The following R3HDM1 variants were observed in gnomAD, a reference collection of about 807,000 sequenced individuals.
R3HDM1 encodes R3H domain-containing protein 1.
Under a neutral mutation model 141.1 loss-of-function variants are expected in R3HDM1, and 46 were observed. That is an observed-to-expected ratio of 0.33 (90% CI 0.26 to 0.42). The LOEUF is 0.42. Among genes scored for constraint, R3HDM1 ranks in the 10% least tolerant of loss-of-function variants. The pLI is 1.00. For missense variants in R3HDM1, 1,184 were observed against 1,368.3 expected, an observed-to-expected ratio of 0.87 and a Z score of 2.12; for synonymous variants, 435 against 472.9, an observed-to-expected ratio of 0.92 and a Z score of 1.04.
At chr2:135,571,186 GTTTTATA>G (rs2104995043) in intron 1 of R3HDM1, among the ~76,000 whole-genome samples, 1 of 151,934 alleles carries the variant, frequency 6.6e-6, no homozygotes, top group Admixed American at 6.5e-5. Flanking sequence ...AAATTAAAAA[GTTTTATA>G]TTTTATAGGA....
At chr2:135,541,389 T>G (rs1313070763) in intron 1 of R3HDM1, among the ~76,000 whole-genome samples, 3 of 152,114 alleles carry the variant, frequency 2.0e-5, no homozygotes, top group Non-Finnish European at 4.4e-5. Context: ...TTTTTATTTT[T>G]AGTAGAGACG....
chr2:135,617,526 C>T (rs1249260825), intron 5 of R3HDM1, among the ~76,000 whole-genome samples: 1 of 151,954 alleles, frequency 6.6e-6, no homozygotes, highest in Admixed American at 6.6e-5. Context: ...ATTAGCTTGG[C>T]TCTTTAATAG....
intron 2 of R3HDM1, among the ~76,000 whole-genome samples, chr2:135,603,058 T>G (rs1011210163): frequency 3.9e-5 from 6 of 152,176 alleles, no homozygotes; most frequent in Non-Finnish European, 8.8e-5. Flanking sequence ...CTTGGCTCAC[T>G]GCAACCTCCG....
intron 1 of R3HDM1, among the ~76,000 whole-genome samples, chr2:135,532,786 A>C (rs1008045951): frequency 6.6e-6 from 1 of 152,214 alleles, no homozygotes; most frequent in Non-Finnish European, 1.5e-5. Flanking sequence ...AAAATTTGGC[A>C]TATTTGGCTA....
rs200420532 is a variant in R3HDM1, at chr2:135,670,155, A to G, written c.2153-5177A>G. The G allele has an allele frequency of 6.5e-4, 208 of 321,654 alleles. 2 individuals carry two copies. Among genetic ancestry groups the G allele is most frequent in the Middle Eastern group, 3.3e-3 (2 of 610 alleles). 19.9% of individuals were successfully genotyped at this position (321,654 alleles called of 1,614,324 possible). Reference sequence around the variant, plus strand: ...CTCAGTCTCAAAAAAAAAAAAAAAAAAAACCAACAAAAAAGATTAGCTTGT... The same window carrying G: ...CTCAGTCTCAAAAAAAAAAAAAAAAGAAACCAACAAAAAAGATTAGCTTGT... On this transcript the variant is annotated intron_variant, in intron 19 of 26. Transcript: ENST00000683871.
At chr2:135,554,566 C>T (rs1700384668) in intron 1 of R3HDM1, among the ~76,000 whole-genome samples, 1 of 152,264 alleles carries the variant, frequency 6.6e-6, no homozygotes, top group Non-Finnish European at 1.5e-5. Flanking sequence ...CTATGTTTAA[C>T]CTTTTGAGAA....
chr2:135,559,118 T>A, intron 1 of R3HDM1: 1 of 920,002 alleles, frequency 1.1e-6, no homozygotes. Context: ...TGTGGTTTTG[T>A]TGTTGTTGTC....
At chr2:135,649,447 T>C (rs943950235) in intron 16 of R3HDM1, 1 of 152,198 alleles carries the variant, frequency 6.6e-6, no homozygotes, top group African/African-American at 2.4e-5. Flanking sequence ...GGAATAGTTA[T>C]TGTGTAAGTT....
At chr2:135,615,933 A>G (rs1240107060) in intron 3 of R3HDM1, among the ~76,000 whole-genome samples, 1 of 152,232 alleles carries the variant, frequency 6.6e-6, no homozygotes, top group Non-Finnish European at 1.5e-5. Flanking sequence ...TGCCTAAGAA[A>G]GAAAAATAAT....
chr2:135,609,094 T>C (rs2060312268), intron 3 of R3HDM1, among the ~76,000 whole-genome samples: 1 of 152,128 alleles, frequency 6.6e-6, no homozygotes, highest in South Asian at 2.1e-4. Context: ...AGTATTTACA[T>C]AAAAAATAAT....
intron 3 of R3HDM1, among the ~76,000 whole-genome samples, chr2:135,614,201 C>T (rs1297061864): frequency 6.6e-6 from 1 of 152,146 alleles, no homozygotes; most frequent in Non-Finnish European, 1.5e-5. Context: ...TTCATCAAAG[C>T]CTCCTCGTAG....
At chr2:135,636,329 G>T in intron 11 of R3HDM1, 146 bp downstream of exon 11, 2 of 1,352,484 alleles carry the variant, frequency 1.5e-6, no homozygotes, top group East Asian at 2.7e-5. Context: ...ATTGAGATCA[G>T]TTTTGCTTGT....
intron 7 of R3HDM1, among the ~76,000 whole-genome samples, chr2:135,626,446 A>G (rs1173788986): frequency 1.3e-5 from 2 of 152,170 alleles, no homozygotes; most frequent in African/African-American, 2.4e-5. Flanking sequence ...GGGTGGTGGG[A>G]ACCAGAACTC....
chr2:135,608,265 G>A (rs1015729639), intron 3 of R3HDM1, among the ~76,000 whole-genome samples: 7 of 151,912 alleles, frequency 4.6e-5, no homozygotes, highest in Non-Finnish European at 7.4e-5. Flanking sequence ...GCAGTGAACC[G>A]AGATCACGCC....
intron 1 of R3HDM1, among the ~76,000 whole-genome samples, chr2:135,568,961 T>C (rs1362616964): frequency 7.3e-6 from 1 of 137,404 alleles, no homozygotes; most frequent in Non-Finnish European, 1.6e-5. Context: ...TAATTCTCAC[T>C]CTGTATACCC....
chr2:135,715,336 C>T (rs1411111664), intron 23 of R3HDM1, among the ~76,000 whole-genome samples: 1 of 151,898 alleles, frequency 6.6e-6, no homozygotes. Context: ...TGCGCCACTG[C>T]ACTCCAGCCT....
chr2:135,594,024 C>G (rs1315211191), intron 1 of R3HDM1, among the ~76,000 whole-genome samples: 1 of 152,130 alleles, frequency 6.6e-6, no homozygotes, highest in Admixed American at 6.5e-5. Context: ...CTGGCCTTCT[C>G]TAGAATTTTC....
chr2:135,698,837 A>G (rs1184880978), intron 21 of R3HDM1, among the ~76,000 whole-genome samples: 1 of 152,108 alleles, frequency 6.6e-6, no homozygotes, highest in Non-Finnish European at 1.5e-5. Flanking sequence ...AACTCACTGT[A>G]CAGTACCAAG....
intron 24 of R3HDM1, among the ~76,000 whole-genome samples, chr2:135,716,249 C>T (rs182858390): frequency 1.2e-4 from 18 of 152,250 alleles, no homozygotes; most frequent in Admixed American, 3.9e-4. Context: ...GCAGTGAGCT[C>T]TGATTATGCC....
Sources: allele counts gnomAD v4.1 joint callset (sites outside exome capture counted in the v4.1 genomes callset), GRCh38; gene constraint gnomAD v4.1.1; transcripts MANE v1.5; gene names NCBI Gene and HGNC (gene_info 2026-07-23, HGNC 2026-07-21).